The following FGF12 variants were observed in gnomAD, a reference collection of about 807,000 sequenced individuals.
FGF12 encodes the protein fibroblast growth factor 12B.
Under a neutral mutation model 23.6 loss-of-function variants are expected in FGF12, and 14 were observed. The observed-to-expected ratio is 0.59, with a 90% CI of 0.39 to 0.93. The LOEUF (loss-of-function observed/expected upper bound fraction) is 0.93, where lower values mean the gene tolerates loss of function less well. FGF12 is among the 40% of genes least tolerant of loss of function. The pLI is 0.00. For synonymous variants in FGF12, 62 were observed against 77.3 expected (o/e 0.80, Z 1.04); for missense variants, 175 against 217.8 (o/e 0.80, Z 1.24).
intron 2 of FGF12, among the ~76,000 whole-genome samples, chr3:192,580,233 T>G (rs142573644): frequency 2.1e-4 from 32 of 152,308 alleles, no homozygotes; most frequent in African/African-American, 7.5e-4. Context: ...CAAGTTCCTG[T>G]GTGCTATCTC....
At chr3:192,559,011 T>C (rs1322389676) in intron 2 of FGF12, among the ~76,000 whole-genome samples, 1 of 151,854 alleles carries the variant, frequency 6.6e-6, no homozygotes, top group African/African-American at 2.4e-5. Flanking sequence ...TAATAAATCA[T>C]TAGGGAACAT....
chr3:192,655,350 CT>C (rs1486907448), intron 2 of FGF12, among the ~76,000 whole-genome samples: 4 of 152,236 alleles, frequency 2.6e-5, no homozygotes, highest in Non-Finnish European at 5.9e-5. Flanking sequence ...ACAGGCCTTT[CT>C]TTTTTTCTAC....
At chr3:192,284,561 A>G (rs1288150210) in intron 4 of FGF12, among the ~76,000 whole-genome samples, 2 of 152,102 alleles carry the variant, frequency 1.3e-5, no homozygotes, top group East Asian at 1.9e-4. Flanking sequence ...AGGAAGAACA[A>G]AATGTATTGA....
At chr3:192,703,539 T>C (rs1293688993) in intron 2 of FGF12, among the ~76,000 whole-genome samples, 1 of 152,212 alleles carries the variant, frequency 6.6e-6, no homozygotes, top group African/African-American at 2.4e-5. Flanking sequence ...TCACATCGAT[T>C]GACTCTCCCT....
chr3:192,520,883 A>C (rs999452776), intron 2 of FGF12, among the ~76,000 whole-genome samples: 1 of 151,978 alleles, frequency 6.6e-6, no homozygotes, highest in Non-Finnish European at 1.5e-5. Context: ...TGGTCTTTTG[A>C]TTGTTTCCAG....
intron 3 of FGF12, among the ~76,000 whole-genome samples, chr3:192,349,265 G>C (rs1027338037): frequency 5.3e-5 from 8 of 152,062 alleles, no homozygotes; most frequent in Non-Finnish European, 1.0e-4. Flanking sequence ...GGATATAGTA[G>C]AAATGAATTC....
At chr3:192,431,148 C>T (rs927257357) in intron 2 of FGF12, among the ~76,000 whole-genome samples, 2 of 152,140 alleles carry the variant, frequency 1.3e-5, no homozygotes, top group African/African-American at 2.4e-5. Flanking sequence ...GGAGAAATTA[C>T]TTGGATCACT....
At chr3:192,162,358 T>C (rs1229610103) in intron 5 of FGF12, among the ~76,000 whole-genome samples, 4 of 152,048 alleles carry the variant, frequency 2.6e-5, no homozygotes, top group Non-Finnish European at 5.9e-5. Context: ...ATAACAACTA[T>C]AACGTTGTGA....
At chr3:192,474,198 G>A (rs1723251229) in intron 2 of FGF12, among the ~76,000 whole-genome samples, 2 of 152,222 alleles carry the variant, frequency 1.3e-5, no homozygotes, top group Non-Finnish European at 2.9e-5. Context: ...TTGCAATAAA[G>A]TAAAACAGGT....
intron 2 of FGF12, among the ~76,000 whole-genome samples, chr3:192,364,622 A>C (rs1297597984): frequency 1.3e-5 from 2 of 152,172 alleles, no homozygotes; most frequent in Non-Finnish European, 2.9e-5. Flanking sequence ...ATTCTCCTCC[A>C]CACTCTCTTT....
intron 2 of FGF12, among the ~76,000 whole-genome samples, chr3:192,645,196 A>G (rs533211021): frequency 6.6e-6 from 1 of 152,148 alleles, no homozygotes. Context: ...AAAGCAGTTG[A>G]CATGGTCAAC....
intron 2 of FGF12, among the ~76,000 whole-genome samples, chr3:192,711,729 A>G (rs1207750738): frequency 2.6e-5 from 4 of 152,082 alleles, no homozygotes; most frequent in Non-Finnish European, 5.9e-5. Flanking sequence ...GTGCTTTGTT[A>G]AACAGATGCT....
At chr3:192,306,112 TAAG>T (rs1429257943) in intron 4 of FGF12, among the ~76,000 whole-genome samples, 4 of 152,070 alleles carry the variant, frequency 2.6e-5, no homozygotes, top group Admixed American at 6.6e-5. Flanking sequence ...CACCTGTCTC[TAAG>T]GTTTTTATGT....
intron 2 of FGF12, among the ~76,000 whole-genome samples, chr3:192,694,793 G>A (rs922611028): frequency 3.3e-5 from 5 of 151,994 alleles, no homozygotes; most frequent in Non-Finnish European, 7.4e-5. Flanking sequence ...GGCATACACT[G>A]TATCACTCTT....
chr3:192,301,142 A>C (rs1715328547), intron 4 of FGF12, among the ~76,000 whole-genome samples: 1 of 152,086 alleles, frequency 6.6e-6, no homozygotes, highest in Non-Finnish European at 1.5e-5. Flanking sequence ...AGAAACATGG[A>C]CTTAAAATAT....
intron 2 of FGF12, among the ~76,000 whole-genome samples, chr3:192,725,261 A>G (rs1719171290): frequency 6.6e-6 from 1 of 151,392 alleles, no homozygotes; most frequent in African/African-American, 2.4e-5. Context: ...CCAGGAACTA[A>G]CATGCATAAA....
Position 192,143,933 on chromosome 3 carries a change from T to G in FGF12, c.*76A>C, listed in dbSNP as rs1713547322. 1.1e-6 allele frequency: 1 copy of G among 912,866 alleles called. No homozygotes were observed. The highest frequency in any genetic ancestry group is 2.5e-5 in the East Asian group (1 of 40,012). 56.5% of individuals were successfully genotyped at this position (912,866 alleles called of 1,614,324 possible). A position where few individuals can be genotyped will look rare whatever the true frequency, so the allele number is the denominator to read the frequency against. ...TTATTTTCCTCTCCTTGGGTGGATT[T>G]ACTGGAAGGAAATGGGTAAATGGGA... On this transcript the variant is annotated 3_prime_UTR_variant, in exon 6 of 6. Transcript: ENST00000445105.
chr3:192,633,342 G>A (rs1350878572), intron 2 of FGF12, among the ~76,000 whole-genome samples: 3 of 151,970 alleles, frequency 2.0e-5, no homozygotes, highest in Non-Finnish European at 2.9e-5. Context: ...CCTCGCGCCC[G>A]GCCTCTCCTC....
chr3:192,260,104 C>A lies in FGF12; in HGVS notation c.228+75257G>T, dbSNP rs892120687. ...AGCATCTCTACGATAATATCAATAA[C>A]CTCACCAATCTCCAAACCAAAATCA... On this transcript the variant is annotated intron_variant, in intron 4 of 5. Coordinates refer to ENST00000445105, the MANE Select transcript of FGF12 (RefSeq NM_004113.6). 2.0e-5 allele frequency among the ~76,000 whole-genome samples: 3 copies of A among 152,116 alleles called. No homozygotes were observed. In the East Asian group the frequency reaches 5.8e-4, roughly 29 times the overall value.
Sources: allele counts gnomAD v4.1 joint callset (sites outside exome capture counted in the v4.1 genomes callset), GRCh38; gene constraint gnomAD v4.1.1; transcripts MANE v1.5; gene names NCBI Gene and HGNC (gene_info 2026-07-23, HGNC 2026-07-21).